Variants in GPHN observed in about 807,000 individuals in gnomAD.
GPHN encodes gephyrin.
A neutral mutation model predicts 95.5 loss-of-function variants in GPHN; 17 were observed. The observed-to-expected ratio is 0.18, with a 90% CI of 0.12 to 0.27. The LOEUF (loss-of-function observed/expected upper bound fraction) is 0.27. Ranked by LOEUF, GPHN falls within the 10% of genes least tolerant of loss-of-function variation. The probability of loss-of-function intolerance (pLI) is 1.00; values close to 1 mark genes in which losing one functional copy is unlikely to be tolerated. For missense variants in GPHN, 660 were observed against 978.1 expected, an observed-to-expected ratio of 0.67 and a Z score of 4.34; for synonymous variants, 320 against 322.5, an observed-to-expected ratio of 0.99 and a Z score of 0.08.
At chr14:67,369,707 AATAATTCAT>A in the GPHN span, among the ~76,000 whole-genome samples, 1 of 152,220 alleles carries the variant, frequency 6.6e-6, no homozygotes, top group Non-Finnish European at 1.5e-5. Context: ...AGCCCTTCCA[AATAATTCAT>A]ATATTAAAGC....
the GPHN span, among the ~76,000 whole-genome samples, chr14:67,220,992 T>C: frequency 9.2e-5 from 14 of 152,270 alleles, no homozygotes; most frequent in South Asian, 2.9e-3. Context: ...ATTCAATACT[T>C]CCAAAATACT....
the GPHN span, among the ~76,000 whole-genome samples, chr14:67,425,617 G>A: frequency 6.6e-6 from 1 of 152,224 alleles, no homozygotes; most frequent in Non-Finnish European, 1.5e-5. Flanking sequence ...GCAAGACAAA[G>A]CAGGTGAACC....
the GPHN span, among the ~76,000 whole-genome samples, chr14:67,625,605 G>C: frequency 3.3e-5 from 5 of 150,672 alleles, no homozygotes; most frequent in Admixed American, 2.6e-4. Flanking sequence ...GCTTGAACCT[G>C]GGAGGCGGAG....
chr14:67,327,218 C>G, the GPHN span, among the ~76,000 whole-genome samples: 18 of 152,120 alleles, frequency 1.2e-4, no homozygotes, highest in Non-Finnish European at 2.5e-4. Context: ...TGAAGCTGCT[C>G]TAAACATTCA....
the GPHN span, chr14:67,657,065 T>C: frequency 1.3e-5 from 2 of 152,518 alleles, no homozygotes; most frequent in African/African-American, 4.8e-5. Context: ...GTACTGAGGA[T>C]TGACGGACCA....
chr14:66,640,101 G>T (rs191642301), intron 1 of GPHN, among the ~76,000 whole-genome samples: 3 of 152,152 alleles, frequency 2.0e-5, no homozygotes, highest in South Asian at 2.1e-4. Context: ...ATTGATTTGT[G>T]TGTGAGATAA....
At chr14:67,429,610 C>T in the GPHN span, among the ~76,000 whole-genome samples, 11 of 151,932 alleles carry the variant, frequency 7.2e-5, no homozygotes, top group Middle Eastern at 3.2e-3. Context: ...ATAGCAGGCA[C>T]CTGTAATCCC....
chr14:67,479,441 G>A, the GPHN span, among the ~76,000 whole-genome samples: 19 of 151,180 alleles, frequency 1.3e-4, no homozygotes, highest in African/African-American at 4.6e-4. Context: ...GTGGAAGCTG[G>A]GTGCAGTAGC....
At chr14:67,338,390 A>G in the GPHN span, 2 of 465,810 alleles carry the variant, frequency 4.3e-6, no homozygotes, top group Non-Finnish European at 7.6e-6. Flanking sequence ...GCTTCTGCAA[A>G]GTAAATTCTG....
chr14:66,767,683 T>C (rs2059014691), intron 2 of GPHN, among the ~76,000 whole-genome samples: 1 of 151,968 alleles, frequency 6.6e-6, no homozygotes, highest in Admixed American at 6.6e-5. Context: ...TTGCTACTCA[T>C]GCCAGTAGAT....
chr14:67,389,775 CT>C, the GPHN span, among the ~76,000 whole-genome samples: 12,759 of 137,034 alleles, frequency 0.093, 1,167 homozygotes, highest in African/African-American at 0.25. Context: ...TGTTTTTTTT[CT>C]TTTTTTTTTT....
chr14:66,857,983 C>T (rs112606313), intron 4 of GPHN, among the ~76,000 whole-genome samples: 79 of 152,306 alleles, frequency 5.2e-4, no homozygotes, highest in African/African-American at 1.6e-3. Flanking sequence ...ACCAGCCCTA[C>T]ACAGAGGGGA....
intron 4 of GPHN, among the ~76,000 whole-genome samples, chr14:66,832,799 G>T (rs1040185987): frequency 7.2e-5 from 11 of 152,094 alleles, no homozygotes; most frequent in African/African-American, 2.4e-4. Context: ...CAGGCAAAAA[G>T]ATTTATTCAA....
intron 10 of GPHN, among the ~76,000 whole-genome samples, chr14:67,042,470 A>T (rs1207107361): frequency 6.6e-6 from 1 of 152,148 alleles, no homozygotes; most frequent in Non-Finnish European, 1.5e-5. Flanking sequence ...TCTCAACAGT[A>T]TTTATTAAAT....
the GPHN span, among the ~76,000 whole-genome samples, chr14:67,560,692 T>G: frequency 1.3e-5 from 2 of 150,394 alleles, no homozygotes; most frequent in Admixed American, 6.6e-5. Context: ...ATAAAAGGAG[T>G]GGGAATTGCA....
intron 8 of GPHN, among the ~76,000 whole-genome samples, chr14:66,938,686 T>G (rs1211166913): frequency 2.6e-5 from 4 of 152,220 alleles, no homozygotes; most frequent in African/African-American, 9.6e-5. Flanking sequence ...ATGAAGCTTT[T>G]GAAACTATCT....
chr14:66,788,223 C>T (rs1048053679), intron 3 of GPHN, among the ~76,000 whole-genome samples: 1 of 152,178 alleles, frequency 6.6e-6, no homozygotes, highest in Non-Finnish European at 1.5e-5. Flanking sequence ...GCGGGAGAAT[C>T]GCTTGAACCC....
At chr14:67,590,402 G>A in the GPHN span, among the ~76,000 whole-genome samples, 5 of 151,866 alleles carry the variant, frequency 3.3e-5, no homozygotes, top group South Asian at 2.1e-4. Context: ...ACAGGTGCTC[G>A]CCACCACGCC....
chr14:66,633,396 A>G (rs1008445453), intron 1 of GPHN, among the ~76,000 whole-genome samples: 15 of 152,218 alleles, frequency 9.9e-5, no homozygotes, highest in Non-Finnish European at 2.1e-4. Flanking sequence ...TTCTATTTCC[A>G]TAAATTAGTT....
Sources: gnomAD v4.1 joint callset for allele counts (sites outside exome capture counted in the v4.1 genomes callset) on GRCh38, gnomAD v4.1.1 for gene constraint, MANE v1.5 for transcripts, NCBI Gene and HGNC (gene_info 2026-07-23, HGNC 2026-07-21) for gene names.